The following LOC400499 variants were observed in gnomAD, a reference collection of about 807,000 sequenced individuals.
the LOC400499 span, chr16:11,392,602 T>A: frequency 1.7e-5 from 7 of 422,450 alleles, no homozygotes; most frequent in Non-Finnish European, 2.8e-5. Context: ...AGGCCAAGCC[T>A]CAAGGCCCTA....
the LOC400499 span, among the ~76,000 whole-genome samples, chr16:11,406,835 TG>T: frequency 6.6e-6 from 1 of 152,348 alleles, no homozygotes; most frequent in East Asian, 1.9e-4. Context: ...ATAAGCTCCT[TG>T]GTCACTCTCA....
the LOC400499 span, among the ~76,000 whole-genome samples, chr16:11,476,211 G>C: frequency 6.6e-6 from 1 of 151,994 alleles, no homozygotes; most frequent in Non-Finnish European, 1.5e-5. Context: ...AGGGAGGAGG[G>C]AGATGGGCAG....
chr16:11,405,345 T>G, the LOC400499 span, among the ~76,000 whole-genome samples: 1 of 152,088 alleles, frequency 6.6e-6, no homozygotes, highest in Admixed American at 6.5e-5. Context: ...AGTGCCTGGG[T>G]ACAAAGCTAG....
chr16:11,383,933 C>T, the LOC400499 span: 1 of 1,231,936 alleles, frequency 8.1e-7, no homozygotes, highest in Non-Finnish European at 1.0e-6. Context: ...TCGAAGAAGG[C>T]CCAGCAGGCG....
At chr16:11,396,477 C>T in the LOC400499 span, 1 of 1,232,054 alleles carries the variant, frequency 8.1e-7, no homozygotes, top group Non-Finnish European at 1.0e-6. Flanking sequence ...GGATATCTTT[C>T]CCAGGGACTG....
At chr16:11,466,730 A>G in the LOC400499 span, among the ~76,000 whole-genome samples, 1 of 152,096 alleles carries the variant, frequency 6.6e-6, no homozygotes, top group Non-Finnish European at 1.5e-5. Context: ...TGGCTACCAT[A>G]TGGGAGAGTC....
At chr16:11,515,129 G>C in the LOC400499 span, among the ~76,000 whole-genome samples, 4 of 152,090 alleles carry the variant, frequency 2.6e-5, no homozygotes, top group African/African-American at 7.2e-5. Flanking sequence ...AACATAGCAA[G>C]ACATTATCTC....
At chr16:11,433,268 G>C in the LOC400499 span, among the ~76,000 whole-genome samples, 1 of 152,166 alleles carries the variant, frequency 6.6e-6, no homozygotes, top group African/African-American at 2.4e-5. Context: ...TTTCAGACTG[G>C]GGATAAGGAT....
At chr16:11,444,194 C>G in the LOC400499 span, among the ~76,000 whole-genome samples, 1 of 152,136 alleles carries the variant, frequency 6.6e-6, no homozygotes, top group African/African-American at 2.4e-5. Context: ...TCCAAGAGAT[C>G]AAGACCAGCC....
chr16:11,474,839 C>A, the LOC400499 span, among the ~76,000 whole-genome samples: 5 of 152,234 alleles, frequency 3.3e-5, no homozygotes, highest in African/African-American at 1.2e-4. Flanking sequence ...CATTGCACTC[C>A]GGTCTGGACG....
the LOC400499 span, among the ~76,000 whole-genome samples, chr16:11,513,112 T>C: frequency 8.5e-5 from 13 of 152,108 alleles, no homozygotes; most frequent in Non-Finnish European, 1.9e-4. Flanking sequence ...AAAAATTTAA[T>C]CGGCGGGGTT....
the LOC400499 span, among the ~76,000 whole-genome samples, chr16:11,455,589 G>T: frequency 5.9e-5 from 9 of 151,806 alleles, no homozygotes; most frequent in Non-Finnish European, 1.3e-4. Flanking sequence ...AGAAAAATTT[G>T]CCAGGTGTGG....
the LOC400499 span, among the ~76,000 whole-genome samples, chr16:11,410,382 A>G: frequency 6.6e-6 from 1 of 152,156 alleles, no homozygotes; most frequent in Non-Finnish European, 1.5e-5. Flanking sequence ...TGAACCGGGG[A>G]GGCGGAGGTT....
At chr16:11,448,094 AAG>A in the LOC400499 span, 2 of 1,531,346 alleles carry the variant, frequency 1.3e-6, no homozygotes, top group South Asian at 2.4e-5. Context: ...ATCCAGGCTG[AAG>A]AGAGGGACGG....
chr16:11,410,797 T>C, the LOC400499 span, among the ~76,000 whole-genome samples: 1 of 152,188 alleles, frequency 6.6e-6, no homozygotes, highest in Non-Finnish European at 1.5e-5. Context: ...GCACAGACAA[T>C]GACAGCTCAG....
the LOC400499 span, among the ~76,000 whole-genome samples, chr16:11,386,837 G>T: frequency 6.6e-6 from 1 of 152,248 alleles, no homozygotes; most frequent in African/African-American, 2.4e-5. Context: ...CTTCCAGCTG[G>T]ATCTGGAGGG....
the LOC400499 span, among the ~76,000 whole-genome samples, chr16:11,443,784 G>A: frequency 6.6e-6 from 1 of 151,920 alleles, no homozygotes; most frequent in Non-Finnish European, 1.5e-5. Context: ...CCCCTAGGGA[G>A]CCACATGTCA....
chr16:11,435,225 A>C, the LOC400499 span, among the ~76,000 whole-genome samples: 4 of 150,268 alleles, frequency 2.7e-5, no homozygotes, highest in Non-Finnish European at 5.9e-5. Context: ...CAATCCTCCC[A>C]CCTCAGCCTC....
chr16:11,525,232 T>C, the LOC400499 span, among the ~76,000 whole-genome samples: 3 of 146,616 alleles, frequency 2.0e-5, no homozygotes, highest in Non-Finnish European at 4.5e-5. Flanking sequence ...TGAGCCGAGA[T>C]CGCACCACTG....
Sources: gnomAD v4.1 joint callset for allele counts (sites outside exome capture counted in the v4.1 genomes callset) on GRCh38, gnomAD v4.1.1 for gene constraint, MANE v1.5 for transcripts.